Variants in NCALD observed in about 807,000 individuals in gnomAD.
NCALD encodes neurocalcin delta, also known as neurocalcin-delta.
Under a neutral mutation model 18.6 loss-of-function variants are expected in NCALD, and 10 were observed. The observed-to-expected ratio is 0.54, with a 90% confidence interval of 0.33 to 0.91. The LOEUF (loss-of-function observed/expected upper bound fraction) is 0.91, where lower values mean the gene tolerates loss of function less well. NCALD is among the 40% of genes least tolerant of loss of function. The pLI, the probability that NCALD is intolerant of heterozygous loss-of-function variation, is 0.03. For synonymous variants in NCALD, 88 were observed against 87.4 expected, an observed-to-expected ratio of 1.01 and a Z score of -0.04; for missense variants, 184 against 247.6, an observed-to-expected ratio of 0.74 and a Z score of 1.72.
At chr8:101,723,225 G>A (rs2130489291) in intron 1 of NCALD, among the ~76,000 whole-genome samples, 1 of 152,214 alleles carries the variant, frequency 6.6e-6, no homozygotes, top group South Asian at 2.1e-4. Context: ...TGTGCTAGTT[G>A]AACATAGGTA....
intron 4 of NCALD, among the ~76,000 whole-genome samples, chr8:101,837,241 A>C (rs1814450886): frequency 6.6e-6 from 1 of 152,184 alleles, no homozygotes; most frequent in Non-Finnish European, 1.5e-5. Flanking sequence ...TTGAACATGC[A>C]TGCCCTGTGT....
At chr8:101,879,222 A>G (rs1005475420) in intron 4 of NCALD, among the ~76,000 whole-genome samples, 1 of 152,156 alleles carries the variant, frequency 6.6e-6, no homozygotes, top group Non-Finnish European at 1.5e-5. Context: ...CTTCAAGAAT[A>G]AGGCCGTGGA....
At chr8:101,713,454 C>CA (rs199621429) in intron 2 of NCALD, among the ~76,000 whole-genome samples, 1,797 of 143,652 alleles carry the variant, frequency 0.013, 32 homozygotes, top group African/African-American at 0.041. Context: ...GATAGAGACA[C>CA]AAAAAAAAAC....
intron 4 of NCALD, among the ~76,000 whole-genome samples, chr8:101,874,331 G>GA (rs1816140903): frequency 6.6e-6 from 1 of 152,094 alleles, no homozygotes; most frequent in South Asian, 2.1e-4. Context: ...TAATGGAGGA[G>GA]AAAATCTAGA....
intron 2 of NCALD, among the ~76,000 whole-genome samples, chr8:101,715,818 A>G (rs113641919): frequency 0.011 from 1,751 of 152,328 alleles, 35 homozygotes; most frequent in African/African-American, 0.038. Flanking sequence ...TCAGGAAACA[A>G]CAGATTCTGG....
intron 2 of NCALD, among the ~76,000 whole-genome samples, chr8:101,947,439 G>A (rs1819219330): frequency 6.6e-6 from 1 of 152,108 alleles, no homozygotes; most frequent in Non-Finnish European, 1.5e-5. Flanking sequence ...GAAATCATTA[G>A]GCATTCACCT....
chr8:102,001,083 A>G (rs185065722), intron 2 of NCALD, among the ~76,000 whole-genome samples: 5 of 152,364 alleles, frequency 3.3e-5, no homozygotes, highest in Admixed American at 3.3e-4. Flanking sequence ...ACTCTGAGCT[A>G]AAGGAGGAAG....
intron 4 of NCALD, among the ~76,000 whole-genome samples, chr8:101,815,403 G>A (rs1363947465): frequency 6.6e-6 from 1 of 151,892 alleles, no homozygotes; most frequent in Non-Finnish European, 1.5e-5. Context: ...AGAACAATTG[G>A]ATATCCACAT....
intron 2 of NCALD, among the ~76,000 whole-genome samples, chr8:101,919,352 T>C (rs1391489948): frequency 2.0e-5 from 3 of 152,188 alleles, no homozygotes; most frequent in Non-Finnish European, 4.4e-5. Context: ...ACTGTACCCC[T>C]ACCTTTCATC....
chr8:102,098,937 A>T (rs568419699), intron 1 of NCALD, among the ~76,000 whole-genome samples: 1 of 152,264 alleles, frequency 6.6e-6, no homozygotes, highest in East Asian at 1.9e-4. Context: ...CTACTATAGA[A>T]GTTTTTTTCC....
intron 2 of NCALD, among the ~76,000 whole-genome samples, chr8:101,943,721 G>A (rs538617044): frequency 3.3e-5 from 5 of 151,928 alleles, no homozygotes; most frequent in Non-Finnish European, 5.9e-5. Context: ...CGGGCGGATC[G>A]CAAGGTCAGG....
intron 2 of NCALD, among the ~76,000 whole-genome samples, chr8:102,004,346 C>A (rs370756271): frequency 0.037 from 5,295 of 143,378 alleles, 104 homozygotes; most frequent in East Asian, 0.086. Context: ...CTCTTCAAGG[C>A]GAACTACAAA....
At chr8:102,118,969 T>C (rs1015378178) in intron 1 of NCALD, among the ~76,000 whole-genome samples, 9 of 152,234 alleles carry the variant, frequency 5.9e-5, no homozygotes, top group African/African-American at 2.2e-4. Context: ...TCCTTGTGCA[T>C]TGCTGGTGGG....
At chr8:102,001,643 A>T (rs1052010883) in intron 2 of NCALD, among the ~76,000 whole-genome samples, 31 of 152,372 alleles carry the variant, frequency 2.0e-4, no homozygotes, top group Non-Finnish European at 4.4e-4. Flanking sequence ...CGGGTTACCC[A>T]CAAAGGGAAG....
At chr8:101,878,901 T>C (rs1016802344) in intron 4 of NCALD, among the ~76,000 whole-genome samples, 2 of 152,154 alleles carry the variant, frequency 1.3e-5, no homozygotes, top group African/African-American at 4.8e-5. Context: ...ATGATTACGA[T>C]GATGAAAAAA....
chr8:101,998,780 C>T (rs977771942), intron 2 of NCALD, among the ~76,000 whole-genome samples: 5 of 152,070 alleles, frequency 3.3e-5, no homozygotes, highest in Admixed American at 1.3e-4. Context: ...TTCAAACCCT[C>T]GGAGGCAGAT....
At chr8:102,071,471 C>T (rs969742427) in intron 1 of NCALD, among the ~76,000 whole-genome samples, 6 of 152,102 alleles carry the variant, frequency 3.9e-5, no homozygotes, top group Non-Finnish European at 7.3e-5. Flanking sequence ...AGGCAGCTTA[C>T]AGTCCGAAGG....
intron 2 of NCALD, among the ~76,000 whole-genome samples, chr8:102,006,312 T>C (rs985649848): frequency 6.8e-6 from 1 of 147,588 alleles, no homozygotes; most frequent in African/African-American, 2.5e-5. Context: ...TTGGTTCTCT[T>C]TTTTTTTTTA....
At chr8:101,957,093 T>C (rs1281515883) in intron 2 of NCALD, among the ~76,000 whole-genome samples, 1 of 152,140 alleles carries the variant, frequency 6.6e-6, no homozygotes, top group Non-Finnish European at 1.5e-5. Context: ...TAATTTTGAT[T>C]CTTGCTTTGT....
Sources: gnomAD v4.1 joint callset for allele counts (sites outside exome capture counted in the v4.1 genomes callset) on GRCh38, gnomAD v4.1.1 for gene constraint, MANE v1.5 for transcripts, NCBI Gene and HGNC (gene_info 2026-07-23, HGNC 2026-07-21) for gene names.